ACTN2: variants seen among roughly 807,000 people sequenced by gnomAD.
The protein encoded by ACTN2 is alpha-actinin-2.
A neutral mutation model predicts 113.8 loss-of-function variants in ACTN2; 39 were observed. The observed-to-expected ratio is 0.34, with a 90% CI of 0.27 to 0.45. ACTN2 has a LOEUF of 0.45. Among genes scored for constraint, ACTN2 ranks in the 20% least tolerant of loss-of-function variants. The pLI, the probability that ACTN2 is intolerant of heterozygous loss-of-function variation, is 1.00. For missense variants in ACTN2, 992 were observed against 1,177.9 expected (o/e 0.84, Z 2.31); for synonymous variants, 429 against 444.1 (o/e 0.97, Z 0.43).
chr1:236,702,191 G>A (rs1657696911), intron 1 of ACTN2, among the ~76,000 whole-genome samples: 1 of 152,194 alleles, frequency 6.6e-6, no homozygotes, highest in African/African-American at 2.4e-5. Context: ...CGCTAGGATT[G>A]CTGGATTGGA....
At position 236,739,551 on chromosome 1, in the gene ACTN2, GC is replaced by G. The variant is rs775802476; in HGVS notation, c.1107+22del. ...GGTGTCGGTGAGTAGCAAGCGCCAA[GC>G]CCTCCTGGCGCCACGGGAAGCCCTC... On this transcript the variant is annotated intron_variant, in intron 10 of 20. Coordinates refer to ENST00000366578, the MANE Select transcript of ACTN2 (RefSeq NM_001103.4). The G allele has an allele frequency of 6.2e-7, 1 of 1,612,964 alleles. No homozygotes were observed. Among genetic ancestry groups the G allele is most frequent in the Non-Finnish European group, 8.5e-7 (1 of 1,179,372 alleles).
At chr1:236,761,600 T>C (rs530643697) in intron 20 of ACTN2, among the ~76,000 whole-genome samples, 1 of 152,308 alleles carries the variant, frequency 6.6e-6, no homozygotes, top group South Asian at 2.1e-4. Context: ...TGCCCAGCCA[T>C]GGAGCAAAGT....
At chr1:236,750,640 T>C (rs1266133695) in intron 14 of ACTN2, among the ~76,000 whole-genome samples, 1 of 152,216 alleles carries the variant, frequency 6.6e-6, no homozygotes, top group Non-Finnish European at 1.5e-5. Context: ...ATAGGTTTGA[T>C]AAATGGCTCT....
chr1:236,758,289 C>CTTTTTTCTTT (rs1659605038), intron 18 of ACTN2, among the ~76,000 whole-genome samples: 1 of 136,084 alleles, frequency 7.3e-6, no homozygotes, highest in Non-Finnish European at 1.6e-5. Flanking sequence ...CAATTCTTTT[C>CTTTTTTCTTT]TTTTTTTTTT....
Position 236,755,039 on chromosome 1 carries a change from C to A in ACTN2, c.1995C>A (p.Ile665=). The A allele has an allele frequency of 6.2e-7, 1 of 1,614,220 alleles. No individual in the cohort carries two copies. The change falls in exon 17 of 21, where the codon ATC becomes ATA. Residue 665 remains isoleucine, a synonymous_variant. Transcript: ENST00000366578. ...CTCAGGAGATTGCCCGGAGCTCCAT[C>A]CAGATCACAGGAGCCCTGGAAGACC... The part of the protein sequence containing the change: ...NKMEEIARSS[I]QITGALEDQM...
chr1:236,715,917 C>T (rs570639668), intron 1 of ACTN2, among the ~76,000 whole-genome samples: 202 of 152,158 alleles, frequency 1.3e-3, no homozygotes, highest in Admixed American at 2.0e-3. Context: ...GATCATGCCA[C>T]TGCACTCCAG....
At position 236,727,740 on chromosome 1, in the gene ACTN2, A is replaced by G; in HGVS notation, c.599A>G (p.Tyr200Cys). 6.2e-7 allele frequency: 1 copy of G among 1,613,632 alleles called. No individual in the cohort carries two copies. Among genetic ancestry groups the G allele is most frequent in the Non-Finnish European group, 8.5e-7 (1 of 1,179,934 alleles). ...CGACACCGGCCTGACCTCATTGACT[A>G]CTCAAAGCTTAACAAGGTTATTCTG... ...IHRHRPDLID[Y>C]SKLNKDDPIG... is the part of the protein sequence containing the mutation. Residue 200 changes from tyrosine (Y) to cysteine (C), a missense_variant, in exon 6 of 21, where the codon TAC becomes TGC. By Grantham distance (194) the Tyr-to-Cys change is radical. This residue lies in a region of ACTN2 where 220 missense variants were observed against 337.5 expected (regional missense o/e 0.65). Transcript: ENST00000366578.
intron 1 of ACTN2, among the ~76,000 whole-genome samples, chr1:236,689,338 T>TATATATATACAC (rs1439126100): frequency 7.3e-5 from 3 of 41,192 alleles, no homozygotes; most frequent in African/African-American, 1.3e-4. Flanking sequence ...TATATATATA[T>TATATATATACAC]ACACACACAT....
At position 236,686,689 on chromosome 1, in the gene ACTN2, C is replaced by T. The variant is rs1428900516; in HGVS notation, c.16C>T (p.Pro6Ser). The T allele has an allele frequency of 6.4e-7, 1 of 1,563,796 alleles. No individual in the cohort carries two copies. Among genetic ancestry groups the T allele is most frequent in the African/African-American group, 1.4e-5 (1 of 70,496 alleles). The change falls in exon 1 of 21, where the codon CCC becomes TCC. Residue 6 changes from proline (P) to serine (S), a missense_variant. Pro to Ser is a moderately conservative substitution (Grantham distance 74, BLOSUM62 -1). Around this residue, in one of 3 missense-constraint regions of ACTN2, gnomAD observed 36 missense variants for 25.0 expected, o/e 1.44. Transcript: ENST00000366578. ...ACCGAGCGCCATGAACCAGATAGAG[C>T]CCGGCGTGCAGTACAACTACGTGTA... MNQIEPGVQYNYVYDE... is the reference protein window; with the variant it reads MNQIESGVQYNYVYDE...
Position 236,718,949 on chromosome 1 carries a change from T to C in ACTN2, c.297T>C (p.Asn99=), listed in dbSNP as rs1658301560. ...RGKMRFHKIA[N]VNKALDYIAS... is the part of the protein sequence containing the mutation. The stretch of plus-strand genomic sequence containing the variant: ...AAATGCGGTTCCACAAAATTGCTAA[T>C]GTCAACAAAGCTTTGGATTACATAG... The change falls in exon 3 of 21, where the codon AAT becomes AAC. Residue 99 remains asparagine, a synonymous_variant. Transcript: ENST00000366578. The C allele has an allele frequency of 6.2e-7, 1 of 1,614,166 alleles. No homozygotes were observed. The highest frequency in any genetic ancestry group is 2.2e-5 in the East Asian group (1 of 44,880).
At chr1:236,731,155 A>T in intron 6 of ACTN2, 78 bp from the exon 7 acceptor site, 1 of 1,093,454 alleles carries the variant, frequency 9.1e-7, no homozygotes, top group Admixed American at 1.7e-5. Flanking sequence ...GCCTAAAGTG[A>T]GGTACATAAG....
intron 5 of ACTN2, 37 bp downstream of exon 5, chr1:236,726,057 T>A: frequency 6.4e-7 from 1 of 1,558,134 alleles, no homozygotes; most frequent in Non-Finnish European, 8.9e-7. Flanking sequence ...GTATTCTCAG[T>A]GGAATCTGTG....
At chr1:236,730,623 T>C (rs1373344661) in intron 6 of ACTN2, among the ~76,000 whole-genome samples, 2 of 152,222 alleles carry the variant, frequency 1.3e-5, no homozygotes, top group Non-Finnish European at 2.9e-5. Flanking sequence ...TATTTTGCTA[T>C]GTTATGTATA....
At chr1:236,723,018 A>G (rs563982911) in intron 4 of ACTN2, among the ~76,000 whole-genome samples, 7 of 152,370 alleles carry the variant, frequency 4.6e-5, no homozygotes, top group African/African-American at 1.7e-4. Flanking sequence ...TCATGGCCCA[A>G]GAGTGTTCAC....
At chr1:236,698,769 C>T (rs1386231473) in intron 1 of ACTN2, among the ~76,000 whole-genome samples, 1 of 152,108 alleles carries the variant, frequency 6.6e-6, no homozygotes, top group Non-Finnish European at 1.5e-5. Context: ...ACATATTATT[C>T]CTAGTATCCC....
chr1:236,755,290 G>A, intron 17 of ACTN2, 92 bp downstream of exon 17: 1 of 1,472,862 alleles, frequency 6.8e-7, no homozygotes, highest in Non-Finnish European at 9.5e-7. Flanking sequence ...GTCTTTCTTT[G>A]TTCCTGTTAA....
chr1:236,744,940 G>C (rs936549623), intron 12 of ACTN2, among the ~76,000 whole-genome samples, 164 bp downstream of exon 12: 25 of 152,054 alleles, frequency 1.6e-4, no homozygotes, highest in African/African-American at 6.0e-4. Context: ...ACAGATTTTG[G>C]TTCTTAGATT....
At chr1:236,724,779 G>A (rs1194111911) in intron 4 of ACTN2, among the ~76,000 whole-genome samples, 1 of 151,806 alleles carries the variant, frequency 6.6e-6, no homozygotes, top group East Asian at 1.9e-4. Flanking sequence ...CGCAGCTGAA[G>A]CCGTGGGACG....
intron 9 of ACTN2, among the ~76,000 whole-genome samples, 184 bp downstream of exon 9, chr1:236,737,398 A>G (rs1399530755): frequency 6.8e-6 from 1 of 147,622 alleles, no homozygotes; most frequent in Non-Finnish European, 1.5e-5. Context: ...TAGTAACCTA[A>G]CTTTTGGCAA....
Sources: gnomAD v4.1 joint callset for allele counts (sites outside exome capture counted in the v4.1 genomes callset) on GRCh38, gnomAD v4.1.1 for gene constraint, gnomAD v4.1.1 regional missense constraint, MANE v1.5 for transcripts, NCBI Gene and HGNC (gene_info 2026-07-23, HGNC 2026-07-21) for gene names.